C10orf143: variants seen among roughly 807,000 people sequenced by gnomAD.
The protein encoded by C10orf143 is chromosome 10 open reading frame 143, also known as uncharacterized protein C10orf143.
In C10orf143 at chr10:130,107,680, C is replaced by G. The variant is rs754879574; in HGVS notation, c.69+3024G>C. ...CTCTGTTGGAGGGTCCACTCAGACT[C>G]TCACCTTTGCCTCCAGGGGGGGAAG... On this transcript the variant is annotated intron_variant, in intron 1 of 3. Transcript: ENST00000637128. 2.4e-5 allele frequency: 31 copies of G among 1,291,870 alleles called. 1 individual carries two copies. Among genetic ancestry groups the G allele is most frequent in the Admixed American group, 3.4e-5 (2 of 58,854 alleles). 80.0% of individuals were successfully genotyped at this position (1,291,870 alleles called of 1,614,324 possible).
At chr10:130,049,696 T>C (rs1860715416) in intron 3 of C10orf143, among the ~76,000 whole-genome samples, 1 of 152,196 alleles carries the variant, frequency 6.6e-6, no homozygotes. Context: ...TTGTCGCTGC[T>C]ACCAGTGACA....
At chr10:130,097,208 A>G (rs574746159) in intron 1 of C10orf143, among the ~76,000 whole-genome samples, 10 of 152,236 alleles carry the variant, frequency 6.6e-5, no homozygotes, top group East Asian at 3.9e-4. Flanking sequence ...AATTTCCCCA[A>G]TGAAGATATA....
At chr10:130,080,646 G>T (rs552022376) in intron 1 of C10orf143, among the ~76,000 whole-genome samples, 81 of 152,336 alleles carry the variant, frequency 5.3e-4, no homozygotes, top group Non-Finnish European at 6.3e-4. Context: ...AAGAGGCCCC[G>T]CTGCTGGACA....
intron 1 of C10orf143, among the ~76,000 whole-genome samples, chr10:130,108,692 G>A (rs553911530): frequency 6.6e-5 from 10 of 152,198 alleles, no homozygotes; most frequent in Non-Finnish European, 1.3e-4. Flanking sequence ...AGAAACAACA[G>A]TGGGAGTTTT....
chr10:130,040,793 C>T (rs143211910), intron 3 of C10orf143, among the ~76,000 whole-genome samples: 115 of 151,740 alleles, frequency 7.6e-4, no homozygotes, highest in Middle Eastern at 6.8e-3. Context: ...ACTGCAGTCC[C>T]GCCTGGGTGA....
intron 3 of C10orf143, among the ~76,000 whole-genome samples, chr10:130,070,120 C>A (rs1861006807): frequency 6.6e-6 from 1 of 152,194 alleles, no homozygotes; most frequent in Non-Finnish European, 1.5e-5. Flanking sequence ...ACAATGCAGT[C>A]ATTTTTCTAA....
At chr10:130,053,687 G>T (rs565852976) in intron 3 of C10orf143, among the ~76,000 whole-genome samples, 1 of 152,236 alleles carries the variant, frequency 6.6e-6, no homozygotes, top group South Asian at 2.1e-4. Context: ...CGAAAGCCAG[G>T]ACTTTTGGAC....
At chr10:130,057,493 T>C (rs1444301197) in intron 3 of C10orf143, among the ~76,000 whole-genome samples, 1 of 152,194 alleles carries the variant, frequency 6.6e-6, no homozygotes, top group Non-Finnish European at 1.5e-5. Flanking sequence ...CCAAATACTC[T>C]TGACATATTG....
At chr10:130,052,228 C>T (rs1315224575) in intron 3 of C10orf143, among the ~76,000 whole-genome samples, 1 of 151,846 alleles carries the variant, frequency 6.6e-6, no homozygotes, top group African/African-American at 2.4e-5. Context: ...GGAACCTGGA[C>T]GGGAGCCCGA....
At chr10:130,096,218 G>A (rs937940547) in intron 1 of C10orf143, among the ~76,000 whole-genome samples, 1 of 152,108 alleles carries the variant, frequency 6.6e-6, no homozygotes. Context: ...TCATTAGAGA[G>A]ATGCAAACCA....
chr10:130,106,128 A>T (rs764121060), intron 1 of C10orf143: 3 of 714,268 alleles, frequency 4.2e-6, no homozygotes, highest in Non-Finnish European at 7.5e-6. Flanking sequence ...GCGCTGCCTG[A>T]AAGTATGAGA....
chr10:130,041,000 G>A (rs372649687), intron 3 of C10orf143, among the ~76,000 whole-genome samples: 21 of 152,192 alleles, frequency 1.4e-4, no homozygotes, highest in Non-Finnish European at 2.8e-4. Context: ...GAGGGCCCCC[G>A]CCACCGGCAC....
chr10:130,110,550 G>C (rs1471028744), intron 1 of C10orf143, among the ~76,000 whole-genome samples, 154 bp downstream of exon 1: 1 of 152,232 alleles, frequency 6.6e-6, no homozygotes, highest in South Asian at 2.1e-4. Context: ...CCCATCACTG[G>C]CCACGCCCTC....
chr10:130,053,061 T>TGTTC (rs1184824446), intron 3 of C10orf143, among the ~76,000 whole-genome samples: 1 of 150,280 alleles, frequency 6.7e-6, no homozygotes, highest in Non-Finnish European at 1.5e-5. Flanking sequence ...AAGTGTTTTT[T>TGTTC]GTTTGTTTGT....
At chr10:130,073,700 T>C (rs1861069400) in intron 3 of C10orf143, among the ~76,000 whole-genome samples, 1 of 152,152 alleles carries the variant, frequency 6.6e-6, no homozygotes, top group Admixed American at 6.5e-5. Flanking sequence ...AACATGTTTG[T>C]AGGAAGTCTA....
At chr10:130,082,174 T>C (rs1032510617) in intron 1 of C10orf143, among the ~76,000 whole-genome samples, 1 of 152,054 alleles carries the variant, frequency 6.6e-6, no homozygotes, top group African/African-American at 2.4e-5. Flanking sequence ...TACATACATA[T>C]ATGATCTTCT....
chr10:130,046,187 T>G (rs1443585447), intron 3 of C10orf143, among the ~76,000 whole-genome samples: 3 of 43,432 alleles, frequency 6.9e-5, no homozygotes, highest in African/African-American at 1.8e-4. Context: ...GGGGCCTGAG[T>G]GGGGCGCGGG....
intron 1 of C10orf143, among the ~76,000 whole-genome samples, chr10:130,087,801 C>G (rs1861316247): frequency 6.6e-6 from 1 of 152,194 alleles, no homozygotes; most frequent in African/African-American, 2.4e-5. Context: ...CACAGCAGAG[C>G]CAGAGAACAC....
chr10:130,055,952 T>TAAAAA (rs369284797), intron 3 of C10orf143, among the ~76,000 whole-genome samples: 1,940 of 65,748 alleles, frequency 0.03, 4 homozygotes, highest in Middle Eastern at 0.042. Context: ...TCTCCAAAAG[T>TAAAAA]AAAAAAAAAA....
Sources: gnomAD v4.1 joint callset for allele counts (sites outside exome capture counted in the v4.1 genomes callset) on GRCh38, gnomAD v4.1.1 for gene constraint, MANE v1.5 for transcripts, NCBI Gene and HGNC (gene_info 2026-07-23, HGNC 2026-07-21) for gene names.